Variants in ANKRD44 observed in about 807,000 individuals in gnomAD.
ANKRD44 encodes the protein ankyrin repeat domain 44, also known as serine/threonine-protein phosphatase 6 regulatory ankyrin repeat subunit B.
In ANKRD44, 35 loss-of-function variants were observed where a neutral mutation model predicts 116.0. The observed-to-expected ratio is 0.30, with a 90% CI of 0.23 to 0.40. The LOEUF (loss-of-function observed/expected upper bound fraction) is 0.40. Ranked by LOEUF, ANKRD44 falls within the 10% of genes least tolerant of loss-of-function variation. ANKRD44 has a pLI of 1.00. For synonymous variants in ANKRD44, 435 were observed against 461.8 expected (o/e 0.94, Z 0.74); for missense variants, 1,014 against 1,242.6 (o/e 0.82, Z 2.77).
intron 16 of ANKRD44, among the ~76,000 whole-genome samples, chr2:197,041,734 A>C (rs1420545575): frequency 6.6e-6 from 1 of 152,164 alleles, no homozygotes; most frequent in Non-Finnish European, 1.5e-5. Context: ...TAGATCTCAG[A>C]TCTCAGATCA....
At chr2:197,022,197 G>A (rs2076510661) in intron 17 of ANKRD44, among the ~76,000 whole-genome samples, 1 of 152,168 alleles carries the variant, frequency 6.6e-6, no homozygotes, top group Non-Finnish European at 1.5e-5. Context: ...TAGAGAGGGT[G>A]ATGGGCATAC....
rs149502363 is a variant in ANKRD44, at chr2:197,180,562, C to T, written c.111+6461G>A. On this transcript the variant is annotated intron_variant, in intron 2 of 27. Transcript: ENST00000282272. The stretch of plus-strand genomic sequence containing the variant: ...TTAGAAGGTGCCCAAGTCTCTAAGC[C>T]GGCAAAACATCTCAGTCCTTCATCT... Among the ~76,000 whole-genome samples the T allele has an allele frequency of 4.1e-3, 622 of 151,958 alleles. 5 individuals are homozygous for T. The highest frequency in any genetic ancestry group is 0.02 in the Middle Eastern group (6 of 294).
chr2:197,202,774 C>T (rs147320459), intron 1 of ANKRD44, among the ~76,000 whole-genome samples: 2 of 152,008 alleles, frequency 1.3e-5, no homozygotes, highest in African/African-American at 2.4e-5. Flanking sequence ...GAGGGGGTCT[C>T]GTCATGTTGG....
intron 3 of ANKRD44, 66 bp downstream of exon 3, chr2:197,146,961 C>A (rs2079520533): frequency 1.5e-5 from 21 of 1,439,978 alleles, no homozygotes; most frequent in Non-Finnish European, 1.9e-5. Flanking sequence ...CTGTAGTAGT[C>A]AATCTAGTAA....
At chr2:197,109,520 C>T (rs2078515698) in intron 9 of ANKRD44, among the ~76,000 whole-genome samples, 1 of 152,168 alleles carries the variant, frequency 6.6e-6, no homozygotes, top group African/African-American at 2.4e-5. Flanking sequence ...AGCATAATTC[C>T]ACTGGCTGGT....
intron 1 of ANKRD44, among the ~76,000 whole-genome samples, chr2:197,295,945 C>T (rs774193884): frequency 6.6e-6 from 1 of 152,022 alleles, no homozygotes; most frequent in Non-Finnish European, 1.5e-5. Context: ...GTCCCAGCTA[C>T]TCAGGAGGCT....
intron 10 of ANKRD44, among the ~76,000 whole-genome samples, chr2:197,097,495 G>T (rs1444539631): frequency 3.5e-5 from 5 of 144,734 alleles, no homozygotes; most frequent in Admixed American, 6.9e-5. Context: ...AAACTGAGAG[G>T]CTTATTTTAA....
chr2:196,983,628 T>C (rs2075817954), downstream of ANKRD44, among the ~76,000 whole-genome samples: 1 of 152,250 alleles, frequency 6.6e-6, no homozygotes, highest in Non-Finnish European at 1.5e-5. Flanking sequence ...GTAAGCTTTT[T>C]GTGCTCTAAA....
chr2:197,034,631 C>T (rs190617914), intron 16 of ANKRD44, among the ~76,000 whole-genome samples: 5 of 151,810 alleles, frequency 3.3e-5, no homozygotes, highest in African/African-American at 1.2e-4. Context: ...CAAATTACTT[C>T]TTTTCTCAAC....
At chr2:197,257,846 C>T (rs1288060579) in intron 1 of ANKRD44, among the ~76,000 whole-genome samples, 1 of 152,066 alleles carries the variant, frequency 6.6e-6, no homozygotes, top group Non-Finnish European at 1.5e-5. Context: ...GAAATTTTTC[C>T]CTAGCCCATA....
intron 2 of ANKRD44, among the ~76,000 whole-genome samples, chr2:197,181,758 A>T (rs1275298181): frequency 7.9e-5 from 12 of 152,228 alleles, no homozygotes; most frequent in Non-Finnish European, 1.6e-4. Context: ...TTCTCTAGAC[A>T]GCTCTGTCTA....
intron 16 of ANKRD44, among the ~76,000 whole-genome samples, chr2:197,046,744 A>T (rs2077008985): frequency 6.6e-6 from 1 of 152,010 alleles, no homozygotes; most frequent in African/African-American, 2.4e-5. Flanking sequence ...AGCATATTTT[A>T]AAAAGTAAAT....
chr2:197,129,760 G>A (rs988371658), intron 4 of ANKRD44, among the ~76,000 whole-genome samples: 3 of 152,070 alleles, frequency 2.0e-5, no homozygotes, highest in African/African-American at 7.2e-5. Context: ...AGAATAGGAG[G>A]CATGTGTCTT....
At chr2:197,055,984 G>C (rs1174060058) in intron 16 of ANKRD44, among the ~76,000 whole-genome samples, 1 of 151,988 alleles carries the variant, frequency 6.6e-6, no homozygotes, top group African/African-American at 2.4e-5. Context: ...CTAACTCCTG[G>C]GCTCAAGTGA....
chr2:197,083,795 C>T (rs368731998), intron 13 of ANKRD44, among the ~76,000 whole-genome samples: 3 of 152,180 alleles, frequency 2.0e-5, no homozygotes, highest in Non-Finnish European at 2.9e-5. Flanking sequence ...GTGTCCCAAA[C>T]GTTGCAGATT....
intron 2 of ANKRD44, among the ~76,000 whole-genome samples, chr2:197,156,356 A>C (rs2079815631): frequency 6.6e-6 from 1 of 152,198 alleles, no homozygotes; most frequent in South Asian, 2.1e-4. Context: ...AAAAAAAAAA[A>C]AACAGTGCCC....
rs557993445 is a variant in ANKRD44, at chr2:197,231,123, C to T, written c.28-44017G>A. 4.6e-5 allele frequency among the ~76,000 whole-genome samples: 7 copies of T among 152,232 alleles called. No individual in the cohort carries two copies. The South Asian group carries it at 1.5e-3, about 32-fold the overall frequency. On this transcript the variant is annotated intron_variant, in intron 1 of 27. Transcript: ENST00000282272. The stretch of plus-strand genomic sequence containing the variant: ...TCACTGGCAGATGCGGTGCTTCTTA[C>T]GGATAAATCAATCTGAGGGCTGGGC...
Position 197,201,562 on chromosome 2 carries a change from G to A in ANKRD44, c.28-14456C>T, listed in dbSNP as rs117835653. Reference sequence around the variant, plus strand: ...CAACAATCCCCCTGACGTTGGCTCTGAATGATGTGGAGACCCTGTTAGTGT... The same window carrying A: ...CAACAATCCCCCTGACGTTGGCTCTAAATGATGTGGAGACCCTGTTAGTGT... On this transcript the variant is annotated intron_variant, in intron 1 of 27. Transcript: ENST00000282272. The surrounding 1 kb of genome is among the most constrained non-coding windows in gnomAD (Gnocchi z 4.0). Among the ~76,000 whole-genome samples the A allele has an allele frequency of 0.021, 3,236 of 152,312 alleles. 50 individuals are homozygous for A. Among genetic ancestry groups the A allele is most frequent in the South Asian group, 0.038 (183 of 4,826 alleles).
At chr2:197,151,509 T>C (rs1020780992) in intron 2 of ANKRD44, among the ~76,000 whole-genome samples, 1 of 152,014 alleles carries the variant, frequency 6.6e-6, no homozygotes, top group Non-Finnish European at 1.5e-5. Flanking sequence ...TACCAAAACA[T>C]GATGCTAGAC....
Sources: gnomAD v4.1 joint callset for allele counts (sites outside exome capture counted in the v4.1 genomes callset) on GRCh38, gnomAD v4.1.1 for gene constraint, Gnocchi (gnomAD v3.1) non-coding constraint, MANE v1.5 for transcripts, NCBI Gene and HGNC (gene_info 2026-07-23, HGNC 2026-07-21) for gene names.